Variants in TENM3 observed in about 807,000 individuals in gnomAD.
The protein encoded by TENM3 is teneurin-3.
TENM3 carries 63 observed loss-of-function variants against 255.1 expected under a neutral mutation model. The observed-to-expected ratio is 0.25, with a 90% CI of 0.20 to 0.30. TENM3 has a LOEUF of 0.30. Ranked by LOEUF, TENM3 falls within the 10% of genes least tolerant of loss-of-function variation. The pLI is 1.00. For missense variants in TENM3, 2,929 were observed against 3,461.1 expected (o/e 0.85, Z 3.86); for synonymous variants, 1,306 against 1,322.3 (o/e 0.99, Z 0.27).
chr4:181,719,036 C>G, the TENM3 span, among the ~76,000 whole-genome samples: 1 of 151,600 alleles, frequency 6.6e-6, no homozygotes, highest in African/African-American at 2.4e-5. Flanking sequence ...GAAACCCCGT[C>G]TCTACTAAAA....
the TENM3 span, among the ~76,000 whole-genome samples, chr4:181,957,787 T>C: frequency 6.6e-6 from 1 of 152,120 alleles, no homozygotes; most frequent in Non-Finnish European, 1.5e-5. Context: ...TATTTAAAAA[T>C]TTGGGTTTTG....
At chr4:182,665,832 G>A (rs1484582202) in intron 6 of TENM3, among the ~76,000 whole-genome samples, 2 of 152,080 alleles carry the variant, frequency 1.3e-5, no homozygotes, top group African/African-American at 4.8e-5. Flanking sequence ...GGAGGCGGAG[G>A]TTGCAGTGAG....
At chr4:181,509,183 A>G in the TENM3 span, among the ~76,000 whole-genome samples, 1 of 152,066 alleles carries the variant, frequency 6.6e-6, no homozygotes, top group African/African-American at 2.4e-5. Flanking sequence ...CACGACCTAT[A>G]AAAACCCTAT....
chr4:181,495,824 A>G, the TENM3 span, among the ~76,000 whole-genome samples: 1 of 151,574 alleles, frequency 6.6e-6, no homozygotes, highest in African/African-American at 2.4e-5. Context: ...CCATTATCTA[A>G]GGAATCCTAA....
chr4:182,224,974 T>C lies in TENM3; in HGVS notation c.-76+80220T>C, dbSNP rs528031840. 3.9e-5 allele frequency among the ~76,000 whole-genome samples: 6 copies of C among 152,238 alleles called. 1 individual carries two copies. In the East Asian group the frequency reaches 1.2e-3, roughly 29 times the overall value. On this transcript the variant is annotated intron_variant, in intron 1 of 2. Transcript: ENST00000512480. Reference sequence around the variant, plus strand: ...GTCTCGAACTCCTGATCTCGTGATCTGCCCACCTTGGCCTCCCAAAGTGCT... The same window carrying C: ...GTCTCGAACTCCTGATCTCGTGATCCGCCCACCTTGGCCTCCCAAAGTGCT...
the TENM3 span, among the ~76,000 whole-genome samples, chr4:181,807,053 T>C: frequency 2.0e-5 from 3 of 152,188 alleles, no homozygotes; most frequent in Non-Finnish European, 4.4e-5. Flanking sequence ...CCTGTTGCTG[T>C]TCTTTCTAGG....
chr4:182,656,183 A>G (rs1753729812), intron 6 of TENM3, among the ~76,000 whole-genome samples: 1 of 152,144 alleles, frequency 6.6e-6, no homozygotes, highest in Non-Finnish European at 1.5e-5. Context: ...TGGTTAACGG[A>G]AGCCCCAGAA....
At chr4:182,392,331 G>C (rs1268265905) in intron 3 of TENM3, among the ~76,000 whole-genome samples, 2 of 152,188 alleles carry the variant, frequency 1.3e-5, no homozygotes, top group African/African-American at 4.8e-5. Context: ...CTGTGAAACA[G>C]CAAATGTTGA....
intron 1 of TENM3, among the ~76,000 whole-genome samples, chr4:182,237,897 T>C (rs921428645): frequency 1.3e-5 from 2 of 152,168 alleles, no homozygotes; most frequent in Admixed American, 6.5e-5. Flanking sequence ...TGTGGACCTG[T>C]AAAAGAATCC....
chr4:182,465,059 G>T (rs539100532), intron 3 of TENM3, among the ~76,000 whole-genome samples: 32 of 152,300 alleles, frequency 2.1e-4, no homozygotes, highest in Admixed American at 1.8e-3. Flanking sequence ...GCAGAGTGGG[G>T]CAAGGGAAGG....
chr4:182,633,912 T>C (rs971891030), intron 5 of TENM3, among the ~76,000 whole-genome samples: 1 of 152,186 alleles, frequency 6.6e-6, no homozygotes, highest in African/African-American at 2.4e-5. Context: ...GAACATGCAG[T>C]ATGATGAAAG....
intron 11 of TENM3, among the ~76,000 whole-genome samples, chr4:182,685,984 C>T (rs548290905): frequency 6.6e-6 from 1 of 152,050 alleles, no homozygotes; most frequent in Non-Finnish European, 1.5e-5. Flanking sequence ...AAAAATCACA[C>T]ATCATTATTT....
intron 27 of TENM3, 79 bp downstream of exon 27, chr4:182,796,846 T>G (rs1236250528): frequency 2.6e-6 from 3 of 1,135,950 alleles, no homozygotes; most frequent in Non-Finnish European, 3.6e-6. Flanking sequence ...ACTACCCTTG[T>G]GAAAACTGTA....
At chr4:182,371,327 A>G (rs780357640) in intron 3 of TENM3, among the ~76,000 whole-genome samples, 2 of 151,888 alleles carry the variant, frequency 1.3e-5, no homozygotes, top group Non-Finnish European at 2.9e-5. Flanking sequence ...TTTTAATGAT[A>G]ATAACACCCT....
At chr4:182,087,917 A>G in the TENM3 span, among the ~76,000 whole-genome samples, 1 of 152,204 alleles carries the variant, frequency 6.6e-6, no homozygotes, top group Non-Finnish European at 1.5e-5. Context: ...TCTGTCATTC[A>G]TCTTTGTAAC....
chr4:181,931,881 A>C, the TENM3 span, among the ~76,000 whole-genome samples: 1 of 152,204 alleles, frequency 6.6e-6, no homozygotes. Context: ...CAACCATCTG[A>C]TCTTTGACAA....
chr4:182,046,532 C>G, the TENM3 span, among the ~76,000 whole-genome samples: 1 of 143,786 alleles, frequency 7.0e-6, no homozygotes, highest in Non-Finnish European at 1.5e-5. Flanking sequence ...AGCAAGACCC[C>G]AGCTGTACAA....
chr4:182,276,894 A>G (rs1760038688), intron 1 of TENM3, among the ~76,000 whole-genome samples: 1 of 152,196 alleles, frequency 6.6e-6, no homozygotes, highest in African/African-American at 2.4e-5. Context: ...TCTGTGTTGT[A>G]AACACTGAAC....
chr4:181,771,348 A>G, the TENM3 span, among the ~76,000 whole-genome samples: 1 of 152,232 alleles, frequency 6.6e-6, no homozygotes, highest in African/African-American at 2.4e-5. Flanking sequence ...TAGGTGATGC[A>G]CTGGAAATGT....
Sources: allele counts gnomAD v4.1 joint callset (sites outside exome capture counted in the v4.1 genomes callset), GRCh38; gene constraint gnomAD v4.1.1; transcripts MANE v1.5; gene names NCBI Gene and HGNC (gene_info 2026-07-23, HGNC 2026-07-21).